Variants in URGCP observed in about 807,000 individuals in gnomAD.
URGCP encodes upregulator of cell proliferation, also known as up-regulator of cell proliferation.
Under a neutral mutation model 24.6 loss-of-function variants are expected in URGCP, and 13 were observed. That is an observed-to-expected ratio of 0.53 (90% confidence interval 0.34 to 0.84). The LOEUF (loss-of-function observed/expected upper bound fraction) is 0.84. URGCP is among the 40% of genes least tolerant of loss of function. The pLI, the probability that URGCP is intolerant of heterozygous loss-of-function variation, is 0.01. For missense variants in URGCP, 899 were observed against 1,194.3 expected (o/e 0.75, Z 3.64); for synonymous variants, 444 against 487.2 (o/e 0.91, Z 1.17).
At chr7:43,920,571 C>CA (rs1391419320) in intron 1 of URGCP, among the ~76,000 whole-genome samples, 1 of 151,862 alleles carries the variant, frequency 6.6e-6, no homozygotes, top group Non-Finnish European at 1.5e-5. Flanking sequence ...TCAAAAACAA[C>CA]AAAAAAAGTG....
chr7:43,885,979 T>C (rs2095861489), intron 3 of URGCP, among the ~76,000 whole-genome samples: 1 of 152,248 alleles, frequency 6.6e-6, no homozygotes, highest in South Asian at 2.1e-4. Flanking sequence ...TGATCCCAAT[T>C]CTGCTACAAG....
rs374445056 is a variant in URGCP at position 43,878,260 on chromosome 7, C to G, written c.1203G>C (p.Leu401=). The G allele has an allele frequency of 1.2e-6, 2 of 1,614,058 alleles. No homozygotes were observed. The highest frequency in any genetic ancestry group is 1.7e-6 in the Non-Finnish European group (2 of 1,180,046). ...RGKRNTNLRF[L]NKLIPVLKID... ...TTTTCAGCACAGGAATTAACTTATT[C>G]AGAAATCTCAGGTTTGTGTTGCGCT... The change falls in exon 6 of 6, where the codon CTG becomes CTC. Residue 401 remains leucine (L), a synonymous_variant. Coordinates refer to ENST00000453200, the MANE Select transcript of URGCP (RefSeq NM_001077663.3). The surrounding 1 kb of genome is among the most constrained non-coding windows in gnomAD (Gnocchi z 5.6).
chr7:43,878,426 A>G lies in URGCP; in HGVS notation c.1037T>C (p.Leu346Pro), dbSNP rs1179916968. The change falls in exon 6 of 6, where the codon CTG becomes CCG. Residue 346 changes from leucine (L) to proline (P), a missense_variant. Leu to Pro is a moderately conservative substitution (Grantham distance 98). Transcript: ENST00000453200. This position sits in a 1 kb window ranked among gnomAD's most constrained non-coding sequence, Gnocchi z 5.6. ...GATTTCTGTCAAGAGCTTAAACTGC[A>G]GCCAGTGAGACCCGATGTCACCTCT... ...NLRGDIGSHW[L>P]QFKLLTEISS... 1 of 1,614,214 alleles carries G rather than the reference A, an allele frequency of 6.2e-7. No individual in the cohort carries two copies. Among genetic ancestry groups the G allele is most frequent in the Non-Finnish European group, 8.5e-7 (1 of 1,180,036 alleles).
At chr7:43,894,276 C>A (rs2095875186) in intron 1 of URGCP, among the ~76,000 whole-genome samples, 2 of 152,212 alleles carry the variant, frequency 1.3e-5, no homozygotes, top group Non-Finnish European at 2.9e-5. Context: ...AATATACATT[C>A]TTCTCACCAG....
rs1314095367 is a variant in URGCP, at chr7:43,876,447, G to T, written c.*220C>A. The T allele has an allele frequency of 5.2e-6, 3 of 578,828 alleles. No homozygotes were observed. The highest frequency in any genetic ancestry group is 6.1e-6 in the Non-Finnish European group (2 of 328,258). 35.9% of individuals were successfully genotyped at this position (578,828 alleles called of 1,614,324 possible). On this transcript the variant is annotated 3_prime_UTR_variant, in exon 6 of 6. Coordinates refer to ENST00000453200, the MANE Select transcript of URGCP (RefSeq NM_001077663.3). The stretch of plus-strand genomic sequence containing the variant: ...ACTGCTGCTTGTCTCCCTACCCTGG[G>T]GGCTGTGATATTCTTGGTAACATCT...
At chr7:43,891,488 G>A (rs2095870581) in intron 1 of URGCP, among the ~76,000 whole-genome samples, 2 of 152,148 alleles carry the variant, frequency 1.3e-5, no homozygotes, top group South Asian at 2.1e-4. Flanking sequence ...ATCCTCCTGC[G>A]TAAATAAGTC....
upstream of URGCP, among the ~76,000 whole-genome samples, chr7:43,911,020 G>C (rs2095909482): frequency 6.6e-6 from 1 of 152,140 alleles, no homozygotes; most frequent in African/African-American, 2.4e-5. Context: ...TACAATAAAA[G>C]TTGGAAACTT....
upstream of URGCP, among the ~76,000 whole-genome samples, chr7:43,907,502 T>C (rs930005490): frequency 4.7e-5 from 7 of 148,614 alleles, no homozygotes; most frequent in African/African-American, 1.8e-4. Context: ...AAAATAAAAT[T>C]AAAGTTAAAA....
At chr7:43,888,182 T>G in intron 1 of URGCP, 1 of 183,204 alleles carries the variant, frequency 5.5e-6, no homozygotes, top group Non-Finnish European at 1.1e-5. Context: ...TTTAAATAGC[T>G]ATGATAAGTG....
chr7:43,916,548 G>A (rs2095915667), intron 1 of URGCP, among the ~76,000 whole-genome samples: 3 of 152,170 alleles, frequency 2.0e-5, no homozygotes, highest in African/African-American at 4.8e-5. Context: ...GTACAGCACA[G>A]GTAAGCATGA....
chr7:43,887,410 T>A lies in URGCP; in HGVS notation c.112+5A>T. Reference sequence around the variant, plus strand: ...TGGGCCCACATCCAATTCATCCAACTTTACCTGCAATGGCCACAGCTGTTC... The same window carrying A: ...TGGGCCCACATCCAATTCATCCAACATTACCTGCAATGGCCACAGCTGTTC... On this transcript the variant is annotated splice_donor_5th_base_variant and intron_variant, in intron 3 of 5. Transcript: ENST00000453200. The A allele has an allele frequency of 1.2e-6, 2 of 1,613,598 alleles. No individual in the cohort carries two copies. The highest frequency in any genetic ancestry group is 1.7e-6 in the Non-Finnish European group (2 of 1,179,744).
At chr7:43,881,250 G>A (rs1469080783) in intron 5 of URGCP, 1 of 702,730 alleles carries the variant, frequency 1.4e-6, no homozygotes, top group African/African-American at 1.7e-5. Flanking sequence ...CAGGTTGTTT[G>A]GAAGCTCTGG....
chr7:43,885,347 T>G (rs956999387), intron 3 of URGCP, among the ~76,000 whole-genome samples: 2 of 152,124 alleles, frequency 1.3e-5, no homozygotes, highest in African/African-American at 4.8e-5. Flanking sequence ...GTGATCTGCC[T>G]ATCTCGGCCT....
At position 43,876,399 on chromosome 7, in the gene URGCP, T is replaced by A. The variant is rs905972478; in HGVS notation, c.*268A>T. 1 of 474,540 alleles carries A rather than the reference T, an allele frequency of 2.1e-6. No individual in the cohort carries two copies. The highest frequency in any genetic ancestry group is 2.0e-5 in the African/African-American group (1 of 51,156). The allele number at this position is 474,540 out of a possible 1,614,324, so 29.4% of individuals were successfully genotyped here. On this transcript the variant is annotated 3_prime_UTR_variant, in exon 6 of 6. Coordinates refer to ENST00000453200, the MANE Select transcript of URGCP (RefSeq NM_001077663.3). ...CAGAGGGCCCACCCCGCAGGATCCT[T>A]GACAGGAGCTGAGACAGAACAAACT...
chr7:43,876,579 G>A lies in URGCP; in HGVS notation c.*88C>T. ...TCGATTGGGCACCAGCCATTCTCAG[G>A]CACCAGAGCACAGCCCCACACGGGT... is the stretch of plus-strand genomic sequence containing the variant. On this transcript the variant is annotated 3_prime_UTR_variant, in exon 6 of 6. Transcript: ENST00000453200. 7.1e-7 allele frequency: 1 copy of A among 1,410,208 alleles called. No individual in the cohort carries two copies. Among genetic ancestry groups the A allele is most frequent in the Non-Finnish European group, 9.7e-7 (1 of 1,035,890 alleles). The allele number at this position is 1,410,208 out of a possible 1,614,324, so 87.4% of individuals were successfully genotyped here.
intron 5 of URGCP, among the ~76,000 whole-genome samples, chr7:43,880,448 T>TTTGTTG (rs2095852160): frequency 6.6e-6 from 1 of 152,072 alleles, no homozygotes; most frequent in African/African-American, 2.4e-5. Flanking sequence ...TGTCTTAAAA[T>TTTGTTG]TTGTTGTTGT....
chr7:43,883,286 A>G (rs1325007347), intron 3 of URGCP, among the ~76,000 whole-genome samples: 1 of 148,372 alleles, frequency 6.7e-6, no homozygotes, highest in East Asian at 1.9e-4. Flanking sequence ...GATCCAAGAA[A>G]AAGTAACACC....
intron 1 of URGCP, among the ~76,000 whole-genome samples, chr7:43,923,906 G>A (rs10225355): frequency 0.075 from 11,442 of 151,890 alleles, 575 homozygotes; most frequent in African/African-American, 0.14. Flanking sequence ...CAGTCTCGCT[G>A]TTGCCCAGGT....
At chr7:43,912,718 C>A (rs906368115) in intron 1 of URGCP, among the ~76,000 whole-genome samples, 10 of 152,078 alleles carry the variant, frequency 6.6e-5, no homozygotes, top group African/African-American at 2.4e-4. Flanking sequence ...GATGTCTTTC[C>A]TTTTATGTAT....
Sources: gnomAD v4.1 joint callset for allele counts (sites outside exome capture counted in the v4.1 genomes callset) on GRCh38, gnomAD v4.1.1 for gene constraint, Gnocchi (gnomAD v3.1) non-coding constraint, MANE v1.5 for transcripts, NCBI Gene and HGNC (gene_info 2026-07-23, HGNC 2026-07-21) for gene names.